Variants in ZNF83 observed in about 807,000 individuals in gnomAD.
The protein encoded by ZNF83 is zinc finger protein 816B.
For synonymous variants in ZNF83, 209 were observed against 213.0 expected (o/e 0.98, Z 0.17); for missense variants, 552 against 629.9 (o/e 0.88, Z 1.32).
At chr19:52,629,331 A>G (rs1028426482) in intron 2 of ZNF83, among the ~76,000 whole-genome samples, 2 of 151,952 alleles carry the variant, frequency 1.3e-5, no homozygotes, top group Non-Finnish European at 2.9e-5. Flanking sequence ...AGTGCAACTC[A>G]TCCCAAATCT....
chr19:52,660,593 G>C (rs1180343855), intron 2 of ZNF83, among the ~76,000 whole-genome samples: 1 of 152,066 alleles, frequency 6.6e-6, no homozygotes, highest in Non-Finnish European at 1.5e-5. Context: ...ACTCCAGCCT[G>C]GGCAATAAAG....
At chr19:52,619,233 T>C (rs2060441692) in intron 2 of ZNF83, among the ~76,000 whole-genome samples, 1 of 152,018 alleles carries the variant, frequency 6.6e-6, no homozygotes, top group Admixed American at 6.5e-5. Context: ...ATTATACTTT[T>C]TGAAGAGGTC....
chr19:52,661,762 A>G (rs112827347), intron 1 of ZNF83, among the ~76,000 whole-genome samples: 1 of 152,148 alleles, frequency 6.6e-6, no homozygotes, highest in Non-Finnish European at 1.5e-5. Context: ...ATCACACAGA[A>G]CAGGTAACAT....
chr19:52,643,340 G>T (rs899150698), upstream of ZNF83, among the ~76,000 whole-genome samples: 2 of 139,412 alleles, frequency 1.4e-5, no homozygotes, highest in African/African-American at 5.5e-5. Context: ...GGACCACAGA[G>T]TCAGACTCTG....
At chr19:52,681,417 T>C (rs902463570) in intron 1 of ZNF83, among the ~76,000 whole-genome samples, 3 of 151,886 alleles carry the variant, frequency 2.0e-5, no homozygotes, top group Non-Finnish European at 2.9e-5. Flanking sequence ...TCCAATGAAT[T>C]TGATAGAAAA....
intron 3 of ZNF83, among the ~76,000 whole-genome samples, chr19:52,653,918 T>C (rs329942): frequency 0.81 from 122,665 of 152,210 alleles, 50,115 homozygotes; most frequent in African/African-American, 0.95. Context: ...TTTTCTCTCA[T>C]GTGTTCTTCC....
chr19:52,625,851 C>A (rs2060718911), intron 2 of ZNF83, among the ~76,000 whole-genome samples: 1 of 152,144 alleles, frequency 6.6e-6, no homozygotes, highest in African/African-American at 2.4e-5. Context: ...CCCATCAGTC[C>A]CCATTACAAC....
At chr19:52,626,759 G>A (rs955097122) in intron 2 of ZNF83, among the ~76,000 whole-genome samples, 21 of 151,938 alleles carry the variant, frequency 1.4e-4, no homozygotes, top group African/African-American at 4.8e-4. Flanking sequence ...AGGTGTCCAC[G>A]CAGCTCCTAA....
chr19:52,613,598 C>G (rs760227973), exon 3 of ZNF83: 2 of 1,613,508 alleles, frequency 1.2e-6, no homozygotes, highest in Middle Eastern at 1.7e-4. Context: ...AAGACCTTGC[C>G]ACACTCATTA....
intron 3 of ZNF83, among the ~76,000 whole-genome samples, chr19:52,653,507 G>A (rs1483773237): frequency 1.3e-5 from 2 of 151,882 alleles, no homozygotes; most frequent in Non-Finnish European, 1.5e-5. Context: ...GTATGAATTC[G>A]CCTATGTGTT....
At position 52,656,864 on chromosome 19, in the gene ZNF83, C is replaced by CAAAA. The variant is rs112522632; in HGVS notation, c.-200-1181_-200-1178dup. Among the ~76,000 whole-genome samples the CAAAA allele has an allele frequency of 3.1e-3, 429 of 136,270 alleles. 6 individuals carry two copies. Among genetic ancestry groups the CAAAA allele is most frequent in the Middle Eastern group, 4.0e-3 (1 of 248 alleles). 89.4% of individuals were successfully genotyped at this position (136,270 alleles called of 152,430 possible). On this transcript the variant is annotated intron_variant, in intron 2 of 5. Transcript: ENST00000594682. ...CTATCGACAGAGCGAGACTCCGTCT[C>CAAAA]AAAAAAAAAAAAAAAAAAAAAATCA...
At chr19:52,625,797 T>C (rs1568541075) in intron 2 of ZNF83, among the ~76,000 whole-genome samples, 1 of 152,128 alleles carries the variant, frequency 6.6e-6, no homozygotes, top group Non-Finnish European at 1.5e-5. Flanking sequence ...CTCAATGCTT[T>C]CTCATACACC....
exon 3 of ZNF83, chr19:52,613,159 C>T (rs766361238): frequency 8.6e-5 from 138 of 1,612,124 alleles, no homozygotes; most frequent in Non-Finnish European, 1.0e-4. Flanking sequence ...GAGGCTTGAA[C>T]GCATACTAAA....
At chr19:52,618,771 A>T (rs1391393285) in intron 2 of ZNF83, 1 of 1,230,390 alleles carries the variant, frequency 8.1e-7, no homozygotes, top group Non-Finnish European at 1.1e-6. Flanking sequence ...AACATCTAAA[A>T]AAGGGGACAG....
Position 52,688,514 on chromosome 19 carries a change from C to T in ZNF83, c.-283+1929G>A, listed in dbSNP as rs192451731. Among the ~76,000 whole-genome samples, 380 of 151,430 alleles carry T rather than the reference C, an allele frequency of 2.5e-3. 1 individual carries two copies. Among genetic ancestry groups the T allele is most frequent in the African/African-American group, 8.7e-3 (359 of 41,258 alleles). ...CTTTGCTTCCTTCCCTGATTCTGTA[C>T]GTATCTCTCATTCTCCCCTTCTCTC... On this transcript the variant is annotated intron_variant, in intron 1 of 5. Coordinates refer to the ZNF83 transcript ENST00000594682.
At chr19:52,619,158 G>C (rs1332579959) in intron 2 of ZNF83, 1 of 1,610,096 alleles carries the variant, frequency 6.2e-7, no homozygotes, top group African/African-American at 1.3e-5. Flanking sequence ...TTTAATTGTA[G>C]TGAATGTTCT....
At chr19:52,632,822 T>C (rs894685432) in intron 2 of ZNF83, among the ~76,000 whole-genome samples, 1 of 152,100 alleles carries the variant, frequency 6.6e-6, no homozygotes, top group Non-Finnish European at 1.5e-5. Flanking sequence ...TTCTAAATGA[T>C]AAATGTTTCT....
intron 1 of ZNF83, among the ~76,000 whole-genome samples, chr19:52,664,683 A>G (rs1299973887): frequency 7.7e-6 from 1 of 129,162 alleles, no homozygotes; most frequent in Non-Finnish European, 1.6e-5. Context: ...AAGGCCAGGA[A>G]GGGATGCAGA....
chr19:52,645,810 C>CA (rs976316098), intron 3 of ZNF83, among the ~76,000 whole-genome samples: 3 of 148,308 alleles, frequency 2.0e-5, no homozygotes, highest in African/African-American at 5.0e-5. Flanking sequence ...CTGCCCCCCC[C>CA]CAAAAAAAGG....
Sources: gnomAD v4.1 joint callset for allele counts (sites outside exome capture counted in the v4.1 genomes callset) on GRCh38, gnomAD v4.1.1 for gene constraint, MANE v1.5 for transcripts, NCBI Gene and HGNC (gene_info 2026-07-23, HGNC 2026-07-21) for gene names.